Variants in DAPK1 observed in about 807,000 individuals in gnomAD.
DAPK1 encodes the protein death-associated protein kinase 1.
DAPK1 carries 56 observed loss-of-function variants against 144.9 expected under a neutral mutation model. That is an observed-to-expected ratio of 0.39 (90% CI 0.31 to 0.48). DAPK1 has a LOEUF of 0.48. Among genes scored for constraint, DAPK1 ranks in the 20% least tolerant of loss-of-function variants. The probability of loss-of-function intolerance (pLI) is 0.95; values close to 1 mark genes in which losing one functional copy is unlikely to be tolerated. For synonymous variants in DAPK1, 690 were observed against 749.0 expected, an observed-to-expected ratio of 0.92 and a Z score of 1.29; for missense variants, 1,454 against 1,875.4, an observed-to-expected ratio of 0.78 and a Z score of 4.15.
intron 18 of DAPK1, among the ~76,000 whole-genome samples, chr9:87,664,794 A>T (rs1392301945): frequency 1.3e-5 from 2 of 152,132 alleles, no homozygotes; most frequent in Non-Finnish European, 2.9e-5. Flanking sequence ...GCAACTTCTC[A>T]TGGGAATCAG....
intron 3 of DAPK1, among the ~76,000 whole-genome samples, chr9:87,623,725 C>T (rs953269561): frequency 1.4e-4 from 22 of 152,084 alleles, no homozygotes; most frequent in Admixed American, 1.1e-3. Flanking sequence ...TGCCGGGGAT[C>T]GAGCTAACAT....
chr9:87,659,046 G>T (rs1489306329), intron 18 of DAPK1, among the ~76,000 whole-genome samples: 1 of 152,242 alleles, frequency 6.6e-6, no homozygotes, highest in Non-Finnish European at 1.5e-5. Context: ...TCCACGCCAG[G>T]TGTCAGAGCT....
At chr9:87,595,619 C>T (rs1184389336) in intron 2 of DAPK1, among the ~76,000 whole-genome samples, 1 of 152,242 alleles carries the variant, frequency 6.6e-6, no homozygotes, top group African/African-American at 2.4e-5. Context: ...GTGCGTGGAG[C>T]CCGACCCACG....
intron 10 of DAPK1, among the ~76,000 whole-genome samples, chr9:87,643,089 T>C (rs1460209565): frequency 6.6e-6 from 1 of 152,156 alleles, no homozygotes; most frequent in Non-Finnish European, 1.5e-5. Flanking sequence ...AGAAAGGATG[T>C]GGGGTGTCCA....
intron 2 of DAPK1, among the ~76,000 whole-genome samples, chr9:87,527,269 C>T (rs561058044): frequency 2.6e-5 from 4 of 152,290 alleles, no homozygotes; most frequent in South Asian, 4.1e-4. Flanking sequence ...TTGGGCTAAT[C>T]GCTTGCCTTC....
At chr9:87,624,003 A>G (rs904582941) in intron 3 of DAPK1, among the ~76,000 whole-genome samples, 2 of 152,190 alleles carry the variant, frequency 1.3e-5, no homozygotes, top group African/African-American at 4.8e-5. Context: ...TAATCCTCAC[A>G]AAAGCTCAAG....
At chr9:87,632,034 A>T in intron 3 of DAPK1, 1 of 781,882 alleles carries the variant, frequency 1.3e-6, no homozygotes, top group Non-Finnish European at 1.6e-6. Flanking sequence ...GTATATATGT[A>T]GGGATGAAGG....
chr9:87,627,153 G>C (rs1829519194), intron 3 of DAPK1, among the ~76,000 whole-genome samples: 1 of 152,186 alleles, frequency 6.6e-6, no homozygotes, highest in Non-Finnish European at 1.5e-5. Context: ...GCCATGGGGA[G>C]GCGCCCACAT....
chr9:87,605,531 C>A (rs36207433), intron 3 of DAPK1, among the ~76,000 whole-genome samples: 1 of 115,592 alleles, frequency 8.7e-6, no homozygotes, highest in East Asian at 3.1e-4. Flanking sequence ...CTATTCCTTT[C>A]CTCTCTCTGT....
At position 87,640,785 on chromosome 9, in the gene DAPK1, C is replaced by G. The variant is rs754271686; in HGVS notation, c.783-17C>G. On this transcript the variant is annotated splice_polypyrimidine_tract_variant and intron_variant, in intron 8 of 25. Transcript: ENST00000408954. ...CTATGGTCACAGCATTTTTTTTCTT[C>G]TCCCCCTCCCCTCAAGGAAGAGAAT... 6 of 1,612,890 alleles carry G rather than the reference C, an allele frequency of 3.7e-6. No individual in the cohort carries two copies. The highest frequency in any genetic ancestry group is 5.1e-6 in the Non-Finnish European group (6 of 1,179,498).
chr9:87,700,645 C>T (rs995376032), intron 24 of DAPK1, among the ~76,000 whole-genome samples: 12 of 151,970 alleles, frequency 7.9e-5, no homozygotes, highest in Admixed American at 1.3e-4. Flanking sequence ...ACTATAGGCA[C>T]GCACCACCAT....
chr9:87,555,595 C>A (rs768059331), intron 2 of DAPK1, among the ~76,000 whole-genome samples: 10 of 151,220 alleles, frequency 6.6e-5, no homozygotes, highest in Non-Finnish European at 1.5e-4. Context: ...CCTCTGCCTC[C>A]CGGGTTCAAG....
chr9:87,601,925 CA>C (rs933727419), intron 2 of DAPK1, among the ~76,000 whole-genome samples: 4 of 152,288 alleles, frequency 2.6e-5, no homozygotes, highest in African/African-American at 9.6e-5. Flanking sequence ...AGCATATGTG[CA>C]TTGTGCATGG....
At chr9:87,704,714 A>G (rs1314932756) in intron 25 of DAPK1, among the ~76,000 whole-genome samples, 3 of 152,198 alleles carry the variant, frequency 2.0e-5, no homozygotes, top group Non-Finnish European at 4.4e-5. Context: ...AACTAGATCA[A>G]TATTGGCTCT....
intron 2 of DAPK1, among the ~76,000 whole-genome samples, chr9:87,581,015 G>A (rs1827736380): frequency 6.6e-6 from 1 of 152,228 alleles, no homozygotes; most frequent in Non-Finnish European, 1.5e-5. Flanking sequence ...CAGCTACAGA[G>A]TTAGCAGAAT....
At chr9:87,669,756 C>G (rs1265434880) in intron 19 of DAPK1, among the ~76,000 whole-genome samples, 1 of 120,368 alleles carries the variant, frequency 8.3e-6, no homozygotes, top group Admixed American at 9.4e-5. Flanking sequence ...TGTGGTCTTG[C>G]CAGGGGCAGG....
In DAPK1 at chr9:87,640,347, G is replaced by A. The variant is rs201433003; in HGVS notation, c.679G>A (p.Ala227Thr). ...TGGAGACACTAAGCAAGAAACGTTAGCAAATGTATCCGCTGTCAACTACGA... is the reference window on the plus strand; with the variant it reads ...TGGAGACACTAAGCAAGAAACGTTAACAAATGTATCCGCTGTCAACTACGA... Reference protein sequence around the residue: ...FLGDTKQETLANVSAVNYEFE... With the variant: ...FLGDTKQETLTNVSAVNYEFE... Residue 227 changes from alanine to threonine, a missense_variant, in exon 8 of 26, where the codon GCA becomes ACA. Ala to Thr is a moderately conservative substitution (Grantham distance 58). Coordinates refer to ENST00000408954, the MANE Select transcript of DAPK1 (RefSeq NM_004938.4). The A allele has an allele frequency of 8.1e-5, 131 of 1,614,112 alleles. No homozygotes were observed. The highest frequency in any genetic ancestry group is 1.1e-4 in the Non-Finnish European group (128 of 1,180,044).
chr9:87,603,790 G>A (rs36207160), intron 2 of DAPK1, among the ~76,000 whole-genome samples: 6 of 152,156 alleles, frequency 3.9e-5, no homozygotes, highest in African/African-American at 7.2e-5. Context: ...GTTGTGTTCC[G>A]CTGACTATCA....
chr9:87,525,736 C>A (rs1825483205), intron 2 of DAPK1, among the ~76,000 whole-genome samples: 1 of 152,124 alleles, frequency 6.6e-6, no homozygotes, highest in East Asian at 1.9e-4. Flanking sequence ...GGCACTGTGG[C>A]CGCTCCCAGC....
Sources: allele counts gnomAD v4.1 joint callset (sites outside exome capture counted in the v4.1 genomes callset), GRCh38; gene constraint gnomAD v4.1.1; transcripts MANE v1.5; gene names NCBI Gene and HGNC (gene_info 2026-07-23, HGNC 2026-07-21).